The following VWA8 variants were observed in gnomAD, a reference collection of about 807,000 sequenced individuals.
The protein encoded by VWA8 is von Willebrand factor A domain containing 8, also known as von Willebrand factor A domain-containing protein 8.
A neutral mutation model predicts 241.5 loss-of-function variants in VWA8; 221 were observed. That is an observed-to-expected ratio of 0.91 (90% CI 0.82 to 1.02). The LOEUF (loss-of-function observed/expected upper bound fraction) is 1.02, where lower values mean the gene tolerates loss of function less well. VWA8 is among the 50% of genes least tolerant of loss of function. The pLI is 0.00. For missense variants in VWA8, 2,322 were observed against 2,328.7 expected (o/e 1.00, Z 0.06); for synonymous variants, 852 against 827.1 (o/e 1.03, Z -0.52).
At chr13:41,835,589 C>A (rs939651014) in intron 12 of VWA8, among the ~76,000 whole-genome samples, 1 of 152,100 alleles carries the variant, frequency 6.6e-6, no homozygotes, top group Non-Finnish European at 1.5e-5. Context: ...AAGATTCATT[C>A]CCACTCATGC....
intron 42 of VWA8, among the ~76,000 whole-genome samples, chr13:41,582,302 G>A (rs1330452147): frequency 1.3e-5 from 2 of 152,090 alleles, no homozygotes; most frequent in African/African-American, 4.8e-5. Context: ...ATGAGCCTCC[G>A]GGACCTAGAC....
At chr13:41,920,555 G>A (rs912558866) in intron 2 of VWA8, among the ~76,000 whole-genome samples, 1 of 151,880 alleles carries the variant, frequency 6.6e-6, no homozygotes, top group African/African-American at 2.4e-5. Flanking sequence ...GACTAATAAA[G>A]AAGAAAAGAG....
chr13:41,679,215 T>A (rs17594685), intron 35 of VWA8, among the ~76,000 whole-genome samples: 17,247 of 152,226 alleles, frequency 0.11, 1,343 homozygotes, highest in East Asian at 0.27. Context: ...TGCAGCAGTG[T>A]TTATCACATA....
rs1179107917 is a variant in VWA8 at position 41,739,848 on chromosome 13, G to GTTTTT, written c.2427-7698_2427-7694dup. Reference sequence around the variant, plus strand: ...TTTTGTTTTTTTTTTTGTTTTTTTTGTTTTTTTTGTTTTTTTTTTTTTTTG... The same window carrying GTTTTT: ...TTTTGTTTTTTTTTTTGTTTTTTTTGTTTTTTTTTTTTTGTTTTTTTTTTTTTTTG... On this transcript the variant is annotated intron_variant, in intron 21 of 44. Coordinates refer to ENST00000379310, the MANE Select transcript of VWA8 (RefSeq NM_015058.2). 1.8e-4 allele frequency among the ~76,000 whole-genome samples: 9 copies of GTTTTT among 50,890 alleles called. 1 individual carries two copies. The highest frequency in any genetic ancestry group is 5.6e-4 in the East Asian group (1 of 1,794). 33.4% of individuals were successfully genotyped at this position (50,890 alleles called of 152,430 possible). A position where few individuals can be genotyped will look rare whatever the true frequency, so the allele number is the denominator to read the frequency against.
intron 21 of VWA8, among the ~76,000 whole-genome samples, chr13:41,753,141 T>C (rs1466603355): frequency 6.6e-6 from 1 of 152,108 alleles, no homozygotes; most frequent in Non-Finnish European, 1.5e-5. Flanking sequence ...ATTGAGAATA[T>C]CTGCAGAAAA....
chr13:41,590,704 T>G lies in VWA8; in HGVS notation c.5048A>C (p.Lys1683Thr). 6.2e-7 allele frequency: 1 copy of G among 1,614,152 alleles called. No individual in the cohort carries two copies. Among genetic ancestry groups the G allele is most frequent in the Non-Finnish European group, 8.5e-7 (1 of 1,180,012 alleles). ...HQATGELDDA[K>T]IIDGLTGEKA... ...TTCTCCAGTCAGCCCATCAATGATC[T>G]TGGCATCATCTAATTCTCCAGTAGC... The change falls in exon 41 of 45, where the codon AAG becomes ACG. Residue 1683 changes from lysine to threonine, a missense_variant. Coordinates refer to ENST00000379310, the MANE Select transcript of VWA8 (RefSeq NM_015058.2).
intron 37 of VWA8, among the ~76,000 whole-genome samples, chr13:41,651,711 GT>G (rs1274524915): frequency 6.6e-6 from 1 of 151,780 alleles, no homozygotes; most frequent in Admixed American, 6.6e-5. Context: ...AACTGTTAAA[GT>G]TTTTTTTCCA....
chr13:41,605,343 C>T (rs1001456526), intron 39 of VWA8, 67 bp from the exon 40 acceptor site: 25 of 1,491,746 alleles, frequency 1.7e-5, no homozygotes, highest in South Asian at 5.7e-5. Flanking sequence ...TACTTCCATT[C>T]GCCTCCTGCT....
chr13:41,627,298 T>C (rs2044698479), intron 37 of VWA8, among the ~76,000 whole-genome samples: 1 of 152,116 alleles, frequency 6.6e-6, no homozygotes, highest in Non-Finnish European at 1.5e-5. Flanking sequence ...GCTCCCAGAC[T>C]GTAATGTGTA....
intron 21 of VWA8, among the ~76,000 whole-genome samples, chr13:41,743,010 G>A (rs961137210): frequency 2.0e-5 from 3 of 152,176 alleles, no homozygotes; most frequent in African/African-American, 7.2e-5. Context: ...AGTTTTCCAG[G>A]TAGACTTGAC....
chr13:41,926,602 T>C (rs1482689016), intron 2 of VWA8: 1 of 546,810 alleles, frequency 1.8e-6, no homozygotes. Flanking sequence ...GCGAGTTCTA[T>C]ATGGCCTATG....
chr13:41,830,975 A>G (rs1475024098), intron 13 of VWA8, among the ~76,000 whole-genome samples: 1 of 152,156 alleles, frequency 6.6e-6, no homozygotes, highest in Non-Finnish European at 1.5e-5. Flanking sequence ...ATTAATAAAC[A>G]AGGCAGGTGG....
At chr13:41,711,152 G>A (rs753950056) in intron 26 of VWA8, among the ~76,000 whole-genome samples, 3 of 152,144 alleles carry the variant, frequency 2.0e-5, no homozygotes, top group Admixed American at 6.5e-5. Flanking sequence ...ACTAAAATAT[G>A]TTGATGCATC....
At chr13:41,733,789 C>G (rs1391970649) in intron 21 of VWA8, among the ~76,000 whole-genome samples, 12 of 152,094 alleles carry the variant, frequency 7.9e-5, no homozygotes, top group Non-Finnish European at 1.8e-4. Context: ...CAGAACATGT[C>G]CACACTGTCC....
At chr13:41,637,438 A>C (rs2044766253) in intron 37 of VWA8, among the ~76,000 whole-genome samples, 1 of 148,360 alleles carries the variant, frequency 6.7e-6, no homozygotes, top group African/African-American at 2.5e-5. Flanking sequence ...GGGGAGGGAT[A>C]GCATTAGGAG....
At chr13:41,908,359 G>A (rs987423117) in intron 3 of VWA8, among the ~76,000 whole-genome samples, 1 of 152,040 alleles carries the variant, frequency 6.6e-6, no homozygotes, top group East Asian at 1.9e-4. Flanking sequence ...CCTGCTACTC[G>A]GGAGGCTGAG....
intron 15 of VWA8, 101 bp downstream of exon 15, chr13:41,819,116 GA>G (rs1870831585): frequency 7.7e-7 from 1 of 1,302,278 alleles, no homozygotes; most frequent in East Asian, 2.6e-5. Context: ...TAAATGGGAA[GA>G]AAAAACTAAA....
At chr13:41,634,573 G>A (rs1288653261) in intron 37 of VWA8, among the ~76,000 whole-genome samples, 1 of 152,162 alleles carries the variant, frequency 6.6e-6, no homozygotes, top group Non-Finnish European at 1.5e-5. Context: ...TTGAGTGTGT[G>A]GGAGTTTACA....
At chr13:41,680,187 C>T (rs1047675935) in intron 35 of VWA8, among the ~76,000 whole-genome samples, 1 of 152,068 alleles carries the variant, frequency 6.6e-6, no homozygotes, top group African/African-American at 2.4e-5. Context: ...TTCATTGGAG[C>T]TAATAAGCAT....
Sources: allele counts gnomAD v4.1 joint callset (sites outside exome capture counted in the v4.1 genomes callset), GRCh38; gene constraint gnomAD v4.1.1; transcripts MANE v1.5; gene names NCBI Gene and HGNC (gene_info 2026-07-23, HGNC 2026-07-21).